The following CLSTN1 variants were observed in gnomAD, a reference collection of about 807,000 sequenced individuals.
The protein encoded by CLSTN1 is calsyntenin-1.
Under a neutral mutation model 108.3 loss-of-function variants are expected in CLSTN1, and 28 were observed. The ratio of observed to expected loss-of-function variants is 0.26; its 90% confidence interval spans 0.19 to 0.35. The LOEUF is 0.35. Among genes scored for constraint, CLSTN1 ranks in the 10% least tolerant of loss-of-function variants. The pLI, the probability that CLSTN1 is intolerant of heterozygous loss-of-function variation, is 1.00. For synonymous variants in CLSTN1, 524 were observed against 534.9 expected, an observed-to-expected ratio of 0.98 and a Z score of 0.28; for missense variants, 1,157 against 1,302.6, an observed-to-expected ratio of 0.89 and a Z score of 1.72.
intron 2 of CLSTN1, among the ~76,000 whole-genome samples, chr1:9,772,082 T>C (rs1016538341): frequency 5.4e-5 from 8 of 148,104 alleles, no homozygotes; most frequent in African/African-American, 1.5e-4. Context: ...GTTCACGCCA[T>C]TCTCCTGCCT....
chr1:9,777,767 T>TCC (rs1653027452), intron 1 of CLSTN1, among the ~76,000 whole-genome samples: 2 of 152,108 alleles, frequency 1.3e-5, no homozygotes, highest in African/African-American at 4.8e-5. Context: ...GCTGCCTTGC[T>TCC]CCCCTTAACA....
At chr1:9,772,207 G>A (rs887066630) in intron 2 of CLSTN1, among the ~76,000 whole-genome samples, 5 of 136,416 alleles carry the variant, frequency 3.7e-5, no homozygotes, top group Admixed American at 8.2e-5. Flanking sequence ...GGATGGTCTC[G>A]ATCTCCTGAC....
chr1:9,805,255 T>C (rs1328971390), intron 1 of CLSTN1, among the ~76,000 whole-genome samples: 1 of 152,244 alleles, frequency 6.6e-6, no homozygotes, highest in East Asian at 1.9e-4. Context: ...TTACTTCAAC[T>C]ATTATTTAGA....
chr1:9,777,774 A>C (rs4845977), intron 1 of CLSTN1, among the ~76,000 whole-genome samples: 147,613 of 152,236 alleles, frequency 0.97, 71,580 homozygotes, highest in East Asian at 1. Context: ...TGCTCCCCTT[A>C]ACATAGTCTC....
chr1:9,799,338 CTG>C (rs1457430151), intron 1 of CLSTN1, among the ~76,000 whole-genome samples: 2 of 152,224 alleles, frequency 1.3e-5, no homozygotes, highest in Middle Eastern at 3.4e-3. Context: ...GTGCAGAACT[CTG>C]AGAGTTAAAA....
intron 1 of CLSTN1, among the ~76,000 whole-genome samples, chr1:9,796,254 T>C (rs1240181088): frequency 8.3e-6 from 1 of 120,746 alleles, no homozygotes; most frequent in Non-Finnish European, 1.7e-5. Context: ...AGGGCAAGAC[T>C]GTCTCCAAAA....
In CLSTN1 at chr1:9,790,544, A is replaced by G. The variant is rs1314596069; in HGVS notation, c.92-17150T>C. 2.0e-5 allele frequency among the ~76,000 whole-genome samples: 3 copies of G among 151,436 alleles called. No homozygotes were observed. The Admixed American group carries it at 2.0e-4, about 10-fold the overall frequency. On this transcript the variant is annotated intron_variant, in intron 1 of 18. Coordinates refer to ENST00000377298, the MANE Select transcript of CLSTN1 (RefSeq NM_001009566.3). Reference sequence around the variant, plus strand: ...ATTTGATTTTTGTTGAGGACTTTTTAAATGTTTTGTTGAGATCGCCATTAA... The same window carrying G: ...ATTTGATTTTTGTTGAGGACTTTTTGAATGTTTTGTTGAGATCGCCATTAA...
chr1:9,739,816 T>G (rs1650881620), intron 10 of CLSTN1, among the ~76,000 whole-genome samples: 1 of 96,196 alleles, frequency 1.0e-5, no homozygotes, highest in Non-Finnish European at 1.8e-5. Flanking sequence ...AATAGGGCAT[T>G]TTTTTTTTTT....
At chr1:9,752,763 G>C (rs1418693356) in intron 4 of CLSTN1, among the ~76,000 whole-genome samples, 3 of 152,174 alleles carry the variant, frequency 2.0e-5, no homozygotes, top group Non-Finnish European at 4.4e-5. Flanking sequence ...TTGGGAGGCT[G>C]AGGCACGAGA....
intron 7 of CLSTN1, among the ~76,000 whole-genome samples, chr1:9,748,927 C>T (rs1003675786): frequency 1.3e-5 from 2 of 152,032 alleles, no homozygotes; most frequent in African/African-American, 4.8e-5. Context: ...TTTTTTAAAA[C>T]AGGGTCTCAC....
chr1:9,787,515 T>C (rs1303735146), intron 1 of CLSTN1, among the ~76,000 whole-genome samples: 3 of 149,994 alleles, frequency 2.0e-5, no homozygotes, highest in Non-Finnish European at 4.4e-5. Context: ...GCCATTCTCC[T>C]GCCTCAGCCT....
At chr1:9,821,137 C>T (rs1461296719) in intron 1 of CLSTN1, among the ~76,000 whole-genome samples, 3 of 152,154 alleles carry the variant, frequency 2.0e-5, no homozygotes, top group Non-Finnish European at 4.4e-5. Flanking sequence ...TTTTGGCTTA[C>T]TGAATTTGTT....
At chr1:9,736,801 T>C (rs1650713376) in intron 11 of CLSTN1, among the ~76,000 whole-genome samples, 1 of 152,154 alleles carries the variant, frequency 6.6e-6, no homozygotes, top group African/African-American at 2.4e-5. Flanking sequence ...TTGCCAGGCA[T>C]GGTGGCTCAC....
intron 1 of CLSTN1, among the ~76,000 whole-genome samples, chr1:9,775,050 C>T (rs1012054212): frequency 6.6e-6 from 1 of 152,092 alleles, no homozygotes; most frequent in Admixed American, 6.6e-5. Flanking sequence ...GTATAATGAG[C>T]AGTGAGGACG....
chr1:9,768,290 T>TG (rs1652452279), intron 2 of CLSTN1, among the ~76,000 whole-genome samples: 1 of 140,554 alleles, frequency 7.1e-6, no homozygotes, highest in Non-Finnish European at 1.5e-5. Flanking sequence ...GGCAAGATCA[T>TG]GGGGGCGGGG....
intron 5 of CLSTN1, among the ~76,000 whole-genome samples, chr1:9,751,147 T>C (rs1651539796): frequency 6.6e-6 from 1 of 151,844 alleles, no homozygotes; most frequent in Non-Finnish European, 1.5e-5. Context: ...TCAGTCTCAT[T>C]CAGATGCATG....
chr1:9,738,265 C>T (rs1650796046), intron 10 of CLSTN1, among the ~76,000 whole-genome samples: 2 of 152,152 alleles, frequency 1.3e-5, no homozygotes, highest in Non-Finnish European at 2.9e-5. Context: ...AGTAATACAA[C>T]CTACCAGAAA....
At chr1:9,812,308 G>T (rs902646008) in intron 1 of CLSTN1, among the ~76,000 whole-genome samples, 1 of 152,050 alleles carries the variant, frequency 6.6e-6, no homozygotes, top group Non-Finnish European at 1.5e-5. Flanking sequence ...AAGATGAAGG[G>T]GAAACTTGCA....
intron 2 of CLSTN1, among the ~76,000 whole-genome samples, chr1:9,763,191 A>AC (rs1402198422): frequency 6.6e-6 from 1 of 151,960 alleles, no homozygotes; most frequent in African/African-American, 2.4e-5. Flanking sequence ...CAAACTCCTG[A>AC]CCTCAAGTGA....
Sources: allele counts gnomAD v4.1 joint callset (sites outside exome capture counted in the v4.1 genomes callset), GRCh38; gene constraint gnomAD v4.1.1; transcripts MANE v1.5; gene names NCBI Gene and HGNC (gene_info 2026-07-23, HGNC 2026-07-21).